The following CEACAM4 variants were observed in gnomAD, a reference collection of about 807,000 sequenced individuals.
CEACAM4 encodes the protein CEA cell adhesion molecule 4, also known as cell adhesion molecule CEACAM4.
CEACAM4 carries 30 observed loss-of-function variants against 28.7 expected under a neutral mutation model. The ratio of observed to expected loss-of-function variants is 1.05; its 90% confidence interval spans 0.78 to 1.42. The LOEUF (loss-of-function observed/expected upper bound fraction) is 1.42. Ranked by LOEUF, CEACAM4 falls within the 40% of genes most tolerant of loss-of-function variation. The pLI is 0.00. For missense variants in CEACAM4, 330 were observed against 308.2 expected, an observed-to-expected ratio of 1.07 and a Z score of -0.53; for synonymous variants, 143 against 126.5, an observed-to-expected ratio of 1.13 and a Z score of -0.87.
chr19:41,618,929 T>A (rs1221081936), downstream of CEACAM4: 1 of 195,694 alleles, frequency 5.1e-6, no homozygotes, highest in Non-Finnish European at 1.0e-5. Context: ...AAGGTGGAGA[T>A]ATTTTCCCTG....
At chr19:41,613,927 G>A in the CEACAM4 span, among the ~76,000 whole-genome samples, 57,176 of 152,116 alleles carry the variant, frequency 0.38, 11,068 homozygotes, top group African/African-American at 0.45. Flanking sequence ...CCAAGGCATT[G>A]TAAAATTGTA....
chr19:41,614,606 C>A (rs2070965656), downstream of CEACAM4, among the ~76,000 whole-genome samples: 1 of 152,194 alleles, frequency 6.6e-6, no homozygotes, highest in Admixed American at 6.5e-5. Context: ...CACCTTGTCC[C>A]TAAGTGCTGT....
At position 41,627,062 on chromosome 19, in the gene CEACAM4, T is replaced by C; in HGVS notation, c.-99A>G. The C allele has an allele frequency of 9.6e-7, 1 of 1,040,370 alleles. No homozygotes were observed. The highest frequency in any genetic ancestry group is 1.4e-6 in the Non-Finnish European group (1 of 717,844). 64.4% of individuals were successfully genotyped at this position (1,040,370 alleles called of 1,614,324 possible). A position where few individuals can be genotyped will look rare whatever the true frequency, so the allele number is the denominator to read the frequency against. ...CTGTCGGCTGTCGGGGCTGCTGACC[T>C]TCCTCCTTCTGTGCTGAGCCTCCTC... On this transcript the variant is annotated 5_prime_UTR_variant, in exon 1 of 7. Transcript: ENST00000221954.
intron 2 of CEACAM4, among the ~76,000 whole-genome samples, chr19:41,623,419 ATTT>A (rs57004828): frequency 0.18 from 18,696 of 103,106 alleles, 812 homozygotes; most frequent in Middle Eastern, 0.24. Context: ...TTCGAACTGC[ATTT>A]TTTTTTTTTT....
downstream of CEACAM4, among the ~76,000 whole-genome samples, chr19:41,614,845 C>CT (rs782220487): frequency 1.8e-4 from 27 of 148,854 alleles, no homozygotes; most frequent in Non-Finnish European, 3.1e-4. Context: ...GAGCAGGAGG[C>CT]TGATGACTTT....
At chr19:41,621,244 A>T (rs2071267069) in intron 3 of CEACAM4, among the ~76,000 whole-genome samples, 1 of 151,534 alleles carries the variant, frequency 6.6e-6, no homozygotes. Flanking sequence ...AGGCTTTGCC[A>T]CTCCCCACTG....
rs2071589108 is a variant in CEACAM4, at chr19:41,625,613, G to A, written c.412C>T (p.Leu138Phe). 1.9e-6 allele frequency: 3 copies of A among 1,577,076 alleles called. No homozygotes were observed. Among genetic ancestry groups the A allele is most frequent in the East Asian group, 2.2e-5 (1 of 44,572 alleles). ...GGGAATCACTCACGGTGTACGTGGA[G>A]CTGGCCAGTTGCTTGGTCAGAGTCG... is the stretch of plus-strand genomic sequence containing the variant. ...SYDSDQATGQ[L>F]HVHQNNVPGL... The change falls in exon 2 of 7, where the codon CTC (leucine) becomes TTC (phenylalanine). Residue 138 changes from leucine (L) to phenylalanine (F), a missense_variant. Physicochemically the swap from Leu to Phe is conservative, Grantham distance 22. Transcript: ENST00000221954.
intron 2 of CEACAM4, among the ~76,000 whole-genome samples, chr19:41,622,975 A>T (rs564112427): frequency 3.3e-5 from 5 of 152,064 alleles, no homozygotes; most frequent in Non-Finnish European, 7.4e-5. Flanking sequence ...CACATTGTCT[A>T]TGCTTTCCAT....
At chr19:41,623,520 G>A (rs955402833) in intron 2 of CEACAM4, among the ~76,000 whole-genome samples, 1 of 149,870 alleles carries the variant, frequency 6.7e-6, no homozygotes, top group Non-Finnish European at 1.5e-5. Flanking sequence ...GTGAGCAGGC[G>A]TTCAGTGATG....
chr19:41,618,931 T>C (rs1029816345), downstream of CEACAM4: 6 of 198,336 alleles, frequency 3.0e-5, no homozygotes, highest in South Asian at 4.2e-4. Context: ...GGTGGAGATA[T>C]TTTCCCTGTG....
chr19:41,619,624 G>A, intron 6 of CEACAM4, 46 bp downstream of exon 6: 1 of 1,574,762 alleles, frequency 6.4e-7, no homozygotes, highest in Non-Finnish European at 8.6e-7. Flanking sequence ...CAGATCCTGG[G>A]TCCCCTGGAG....
Position 41,621,684 on chromosome 19 carries a change from A to G in CEACAM4, c.509T>C (p.Leu170Pro). 6.2e-7 allele frequency: 1 copy of G among 1,610,548 alleles called. No individual in the cohort carries two copies. Among genetic ancestry groups the G allele is most frequent in the Non-Finnish European group, 8.5e-7 (1 of 1,176,798 alleles). ...VLVGVALVAA[L>P]VCFLLLSRTG... ...CCTGGAGAGAAGCAGAAAACACACC[A>G]GGGCGGCCACCAGAGCCACCCCAAC... is the stretch of plus-strand genomic sequence containing the variant. The change falls in exon 3 of 7, where the codon CTG (leucine) becomes CCG (proline). Residue 170 changes from leucine (L) to proline (P), a missense_variant. By Grantham distance (98) the Leu-to-Pro change is moderately conservative (BLOSUM62 -3). Coordinates refer to ENST00000221954, the MANE Select transcript of CEACAM4 (RefSeq NM_001817.4).
intron 2 of CEACAM4, among the ~76,000 whole-genome samples, chr19:41,623,297 A>G (rs978859956): frequency 1.3e-5 from 2 of 152,142 alleles, no homozygotes; most frequent in East Asian, 1.9e-4. Flanking sequence ...GATTACAGGC[A>G]TGAGCCACCG....
At chr19:41,619,480 G>A (rs545289593) in intron 6 of CEACAM4, 85 bp from the exon 7 acceptor site, 1 of 1,586,760 alleles carries the variant, frequency 6.3e-7, no homozygotes, top group Admixed American at 1.7e-5. Flanking sequence ...CCCACCCAGG[G>A]CTTCTCTGGG....
chr19:41,615,453 C>T (rs1322535279), downstream of CEACAM4, among the ~76,000 whole-genome samples: 1 of 151,962 alleles, frequency 6.6e-6, no homozygotes, highest in Non-Finnish European at 1.5e-5. Context: ...AGACACGTGC[C>T]TTGGGTGAGG....
chr19:41,621,691 C>G lies in CEACAM4; in HGVS notation c.502G>C (p.Ala168Pro). ...AGAAGCAGAAAACACACCAGGGCGG[C>G]CACCAGAGCCACCCCAACCAGGACC... is the stretch of plus-strand genomic sequence containing the variant. ...TGVLVGVALV[A>P]ALVCFLLLSR... Residue 168 changes from alanine to proline, a missense_variant, in exon 3 of 7, where the codon GCC becomes CCC. By Grantham distance (27) the Ala-to-Pro change is conservative (BLOSUM62 -1). Coordinates refer to ENST00000221954, the MANE Select transcript of CEACAM4 (RefSeq NM_001817.4). The G allele has an allele frequency of 6.2e-7, 1 of 1,611,942 alleles. No individual in the cohort carries two copies. The highest frequency in any genetic ancestry group is 8.5e-7 in the Non-Finnish European group (1 of 1,178,104).
At chr19:41,626,487 T>C (rs1555804258) in intron 1 of CEACAM4, among the ~76,000 whole-genome samples, 3 of 152,226 alleles carry the variant, frequency 2.0e-5, no homozygotes, top group Non-Finnish European at 4.4e-5. Flanking sequence ...CTCCTGTAGA[T>C]GAGTTCATGA....
intron 2 of CEACAM4, among the ~76,000 whole-genome samples, chr19:41,623,043 A>T (rs2071404717): frequency 6.6e-6 from 1 of 152,116 alleles, no homozygotes; most frequent in Admixed American, 6.6e-5. Flanking sequence ...TAGAGATGGA[A>T]TCTCGCTCTG....
rs191524049 is a variant in CEACAM4 at position 41,621,645 on chromosome 19, C to T, written c.542+6G>A. The T allele has an allele frequency of 1.7e-4, 259 of 1,538,106 alleles. 2 individuals carry two copies. In the East Asian group the frequency reaches 5.2e-3, roughly 31 times the overall value. ...GTGGGAGGAGGCTGGGGAAAAGCTG[C>T]GGTACCTTCCAGTCCTGGAGAGAAG... On this transcript the variant is annotated splice_donor_region_variant and intron_variant, in intron 3 of 6. Transcript: ENST00000221954.
Sources: gnomAD v4.1 joint callset for allele counts (sites outside exome capture counted in the v4.1 genomes callset) on GRCh38, gnomAD v4.1.1 for gene constraint, MANE v1.5 for transcripts, NCBI Gene and HGNC (gene_info 2026-07-23, HGNC 2026-07-21) for gene names.